MBP: variants seen among roughly 807,000 people sequenced by gnomAD.
MBP encodes the protein Golli-MBP.
A neutral mutation model predicts 35.8 loss-of-function variants in MBP; 16 were observed. That is an observed-to-expected ratio of 0.45 (90% CI 0.30 to 0.68). The LOEUF (loss-of-function observed/expected upper bound fraction) is 0.68. Among genes scored for constraint, MBP ranks in the 30% least tolerant of loss-of-function variants. The pLI, the probability that MBP is intolerant of heterozygous loss-of-function variation, is 0.08. For synonymous variants in MBP, 143 were observed against 159.6 expected (o/e 0.90, Z 0.78); for missense variants, 380 against 404.7 (o/e 0.94, Z 0.52).
intron 3 of MBP, among the ~76,000 whole-genome samples, chr18:77,033,555 A>C (rs617969): frequency 0.023 from 3,496 of 151,002 alleles, 136 homozygotes; most frequent in African/African-American, 0.08. Flanking sequence ...CCTTCCATCC[A>C]CCTCCCATCC....
At chr18:77,060,344 G>A (rs7233574) in intron 3 of MBP, among the ~76,000 whole-genome samples, 62,428 of 151,688 alleles carry the variant, frequency 0.41, 15,654 homozygotes, top group African/African-American at 0.71. Context: ...CATGAAAAAT[G>A]CTAATGAACG....
intron 3 of MBP, among the ~76,000 whole-genome samples, chr18:77,047,437 G>A (rs1204188899): frequency 6.6e-6 from 1 of 152,256 alleles, no homozygotes; most frequent in African/African-American, 2.4e-5. Flanking sequence ...CCACAGGCAT[G>A]GAAAGTAGAT....
intron 4 of MBP, chr18:77,004,284 C>A (rs921314394): frequency 3.9e-5 from 6 of 152,132 alleles, no homozygotes; most frequent in Admixed American, 2.6e-4. Flanking sequence ...GTGTCCCCCC[C>A]CACTCCCCGC....
At chr18:76,986,039 G>C in intron 7 of MBP, 1 of 985,676 alleles carries the variant, frequency 1.0e-6, no homozygotes. Context: ...AACATGGGGA[G>C]GAAGGGAAGG....
chr18:77,070,801 C>T (rs569409132), intron 2 of MBP, among the ~76,000 whole-genome samples: 16 of 152,196 alleles, frequency 1.1e-4, no homozygotes, highest in Admixed American at 5.2e-4. Context: ...TCATCAGAAC[C>T]GAGTGGAGAA....
At chr18:77,033,970 G>A (rs1056810778) in intron 3 of MBP, among the ~76,000 whole-genome samples, 6 of 143,082 alleles carry the variant, frequency 4.2e-5, no homozygotes, top group African/African-American at 8.1e-5. Flanking sequence ...ACAGAGTCCC[G>A]CTCCCCACTG....
chr18:77,076,457 C>T lies in MBP; in HGVS notation c.52-10072G>A, dbSNP rs941749538. 2.0e-5 allele frequency among the ~76,000 whole-genome samples: 3 copies of T among 152,240 alleles called. No individual in the cohort carries two copies. The South Asian group carries it at 6.2e-4, about 31-fold the overall frequency. On this transcript the variant is annotated intron_variant, in intron 2 of 8. Coordinates refer to ENST00000355994, the MANE Select transcript of MBP (RefSeq NM_001025101.2). ...AGCTGCACCTGCAGAGGGCTTGGGC[C>T]ATGCCAAGGCCTCAGCTGCCCTCTG... is the stretch of plus-strand genomic sequence containing the variant.
In MBP at chr18:77,066,339, C is replaced by T; in HGVS notation, c.98G>A (p.Gly33Asp). The T allele has an allele frequency of 1.9e-5, 31 of 1,614,200 alleles. No homozygotes were observed. The highest frequency in any genetic ancestry group is 2.5e-5 in the Non-Finnish European group (30 of 1,180,002). ...RGESEKKRNLGELSRTTSEDN... is the reference protein window; with the variant it reads ...RGESEKKRNLDELSRTTSEDN... ...CTCTGAGGTTGTCCGTGAAAGTTCA[C>T]CCAGGTTTCTCTTTTTTTCAGATTC... The change falls in exon 3 of 9, where the codon GGT (glycine) becomes GAT (aspartate). Residue 33 changes from glycine to aspartate, a missense_variant. Gly to Asp is a moderately conservative substitution (Grantham distance 94). Transcript: ENST00000355994.
intron 1 of MBP, among the ~76,000 whole-genome samples, chr18:77,107,745 A>T (rs1243671256): frequency 6.6e-6 from 1 of 152,198 alleles, no homozygotes; most frequent in Non-Finnish European, 1.5e-5. Context: ...TGATTTAGAA[A>T]ACTCAAGAAT....
intron 1 of MBP, among the ~76,000 whole-genome samples, chr18:77,119,279 G>A (rs888235403): frequency 1.3e-4 from 20 of 152,066 alleles, no homozygotes; most frequent in African/African-American, 4.1e-4. Context: ...GTCACTGCCC[G>A]AGCACTGTTC....
intron 4 of MBP, among the ~76,000 whole-genome samples, chr18:76,995,706 C>T (rs543717472): frequency 7.9e-5 from 12 of 152,244 alleles, no homozygotes; most frequent in African/African-American, 2.9e-4. Flanking sequence ...GATCATAGAT[C>T]GTTATCTATG....
At chr18:77,017,298 G>A (rs2123468827) in intron 3 of MBP, 30 bp from the exon 4 acceptor site, 1 of 1,493,556 alleles carries the variant, frequency 6.7e-7, no homozygotes, top group Non-Finnish European at 8.9e-7. Context: ...ATGAATACGG[G>A]CCTGTGCAAA....
At chr18:77,008,907 T>C (rs1599050143) in intron 4 of MBP, among the ~76,000 whole-genome samples, 1 of 152,146 alleles carries the variant, frequency 6.6e-6, no homozygotes, top group African/African-American at 2.4e-5. Context: ...CCTTGCTGAG[T>C]GTAAATGGTC....
chr18:76,998,325 C>T (rs910573382), intron 4 of MBP, among the ~76,000 whole-genome samples: 8 of 55,354 alleles, frequency 1.4e-4, no homozygotes, highest in African/African-American at 6.3e-4. Flanking sequence ...GCTGCGGCCC[C>T]CGTCAGAATC....
chr18:76,985,726 C>T, intron 7 of MBP: 1 of 1,008,670 alleles, frequency 9.9e-7, no homozygotes, highest in Non-Finnish European at 1.2e-6. Flanking sequence ...TGGCCTTGGG[C>T]AAGGGCAGGA....
intron 3 of MBP, among the ~76,000 whole-genome samples, chr18:77,029,655 C>T (rs527280241): frequency 9.1e-4 from 138 of 152,200 alleles, no homozygotes; most frequent in African/African-American, 3.2e-3. Context: ...TAGACTCACT[C>T]GTTCTCCACA....
chr18:77,075,346 T>C (rs1441755516), intron 2 of MBP, among the ~76,000 whole-genome samples: 1 of 152,236 alleles, frequency 6.6e-6, no homozygotes, highest in Admixed American at 6.5e-5. Context: ...AAAACACTCT[T>C]ACTCCTCTTA....
In MBP at chr18:77,035,253, C is replaced by T. The variant is rs558278546; in HGVS notation, c.140-17985G>A. Among the ~76,000 whole-genome samples the T allele has an allele frequency of 8.5e-5, 13 of 152,322 alleles. No homozygotes were observed. The East Asian group carries it at 2.1e-3, about 25-fold the overall frequency. ...CATGGCTTTCACAGTAACTGGGACC[C>T]ACCTGTGTCCCGGGACGTACACACT... On this transcript the variant is annotated intron_variant, in intron 3 of 8. Transcript: ENST00000355994.
intron 4 of MBP, among the ~76,000 whole-genome samples, chr18:77,011,338 G>A (rs1044606430): frequency 1.3e-5 from 2 of 152,228 alleles, no homozygotes; most frequent in African/African-American, 4.8e-5. Flanking sequence ...TGGTGTCCAT[G>A]AGCGTGAGCA....
Sources: allele counts gnomAD v4.1 joint callset (sites outside exome capture counted in the v4.1 genomes callset), GRCh38; gene constraint gnomAD v4.1.1; transcripts MANE v1.5; gene names NCBI Gene and HGNC (gene_info 2026-07-23, HGNC 2026-07-21).